Variants in OLFM3 observed in about 807,000 individuals in gnomAD.
OLFM3 encodes the protein olfactomedin 3.
In OLFM3, 20 loss-of-function variants were observed where a neutral mutation model predicts 48.6. The observed-to-expected ratio is 0.41, with a 90% CI of 0.29 to 0.60. The LOEUF (loss-of-function observed/expected upper bound fraction) is 0.60. Ranked by LOEUF, OLFM3 falls within the 20% of genes least tolerant of loss-of-function variation. The pLI is 0.28. For missense variants in OLFM3, 437 were observed against 544.3 expected (o/e 0.80, Z 1.96); for synonymous variants, 222 against 198.1 (o/e 1.12, Z -1.01).
chr1:101,805,535 T>C (rs1570495737), intron 5 of OLFM3, among the ~76,000 whole-genome samples: 1 of 151,824 alleles, frequency 6.6e-6, no homozygotes, highest in East Asian at 1.9e-4. Flanking sequence ...GTTTCTAGTA[T>C]ATTGATTTAT....
At chr1:101,831,264 T>G (rs1298120251) in intron 2 of OLFM3, among the ~76,000 whole-genome samples, 1 of 152,182 alleles carries the variant, frequency 6.6e-6, no homozygotes, top group Non-Finnish European at 1.5e-5. Context: ...AGGCCTAGAA[T>G]GCATTCATTC....
intron 3 of OLFM3, among the ~76,000 whole-genome samples, chr1:101,825,802 G>A (rs537493163): frequency 6.6e-6 from 1 of 152,040 alleles, no homozygotes; most frequent in African/African-American, 2.4e-5. Flanking sequence ...AACCAACTTT[G>A]TTTTTCCTTT....
chr1:101,806,916 C>T (rs1358737644), intron 4 of OLFM3, among the ~76,000 whole-genome samples: 1 of 151,618 alleles, frequency 6.6e-6, no homozygotes, highest in East Asian at 1.9e-4. Context: ...TCAGCCCAGC[C>T]CACCTGTGAA....
intron 1 of OLFM3, among the ~76,000 whole-genome samples, chr1:101,866,813 T>A (rs1656880065): frequency 6.6e-6 from 1 of 152,190 alleles, no homozygotes; most frequent in Admixed American, 6.5e-5. Flanking sequence ...GACTCGGTAA[T>A]GGAATGTAAC....
At chr1:101,806,023 A>G in intron 5 of OLFM3, 53 bp downstream of exon 5, 6 of 1,345,390 alleles carry the variant, frequency 4.5e-6, no homozygotes, top group African/African-American at 2.9e-5. Flanking sequence ...CAGAAGAGAA[A>G]AAGTGTAAGC....
At chr1:101,814,251 A>G (rs1570508649) in intron 4 of OLFM3, among the ~76,000 whole-genome samples, 2 of 147,622 alleles carry the variant, frequency 1.4e-5, no homozygotes, top group Non-Finnish European at 3.0e-5. Flanking sequence ...TTATTTATTC[A>G]TTCACCCAGC....
chr1:101,933,576 T>C (rs1659521936), intron 1 of OLFM3, among the ~76,000 whole-genome samples: 2 of 152,044 alleles, frequency 1.3e-5, no homozygotes, highest in African/African-American at 4.8e-5. Context: ...TCGACCTCAA[T>C]AGAGTAGCTA....
At chr1:101,985,823 T>G (rs1157002270) in intron 1 of OLFM3, among the ~76,000 whole-genome samples, 1 of 152,196 alleles carries the variant, frequency 6.6e-6, no homozygotes, top group Admixed American at 6.5e-5. Context: ...ACTATATGTA[T>G]ACAATGAATT....
intron 1 of OLFM3, among the ~76,000 whole-genome samples, chr1:101,975,240 A>G (rs1435282277): frequency 6.6e-6 from 1 of 152,184 alleles, no homozygotes; most frequent in Non-Finnish European, 1.5e-5. Flanking sequence ...ACTTAAAGTG[A>G]CACAGTAACA....
chr1:101,861,314 G>A (rs775563488), intron 1 of OLFM3, among the ~76,000 whole-genome samples: 4 of 150,496 alleles, frequency 2.7e-5, no homozygotes, highest in Non-Finnish European at 5.9e-5. Flanking sequence ...TGGCCGCCCC[G>A]GCCTCCCAAA....
chr1:101,892,937 A>C (rs1658059894), intron 1 of OLFM3, among the ~76,000 whole-genome samples: 1 of 152,094 alleles, frequency 6.6e-6, no homozygotes, highest in Admixed American at 6.6e-5. Flanking sequence ...ATTTTTGGTG[A>C]AGGGTAACAG....
chr1:101,892,577 C>T (rs1658044321), intron 1 of OLFM3, among the ~76,000 whole-genome samples: 1 of 152,018 alleles, frequency 6.6e-6, no homozygotes, highest in African/African-American at 2.4e-5. Context: ...CTCCTTCCTC[C>T]TCTCCCATTG....
chr1:101,855,908 A>C (rs1656391498), intron 1 of OLFM3, among the ~76,000 whole-genome samples: 1 of 152,002 alleles, frequency 6.6e-6, no homozygotes, highest in Non-Finnish European at 1.5e-5. Flanking sequence ...TCAAATGTGC[A>C]ATTTTCTGAA....
rs1660434360 is a variant in OLFM3, at chr1:101,960,468, A to G, written c.69+36280T>C. On this transcript the variant is annotated intron_variant, in intron 1 of 5. Coordinates refer to ENST00000370103, the MANE Select transcript of OLFM3 (RefSeq NM_058170.4). ...ACTATTCCAGCTCCACTTGCCTAGAAGAAATTATCTATAAAACCATACAAC... is the reference window on the plus strand; with the variant it reads ...ACTATTCCAGCTCCACTTGCCTAGAGGAAATTATCTATAAAACCATACAAC... Among the ~76,000 whole-genome samples, 4 of 152,182 alleles carry G rather than the reference A, an allele frequency of 2.6e-5. No individual in the cohort carries two copies. The South Asian group carries it at 8.3e-4, about 32-fold the overall frequency.
intron 1 of OLFM3, among the ~76,000 whole-genome samples, chr1:101,946,752 T>A (rs977898266): frequency 1.4e-4 from 22 of 152,048 alleles, no homozygotes; most frequent in African/African-American, 5.3e-4. Flanking sequence ...CTCTATAAAC[T>A]TTTTTTAGTA....
At chr1:101,873,250 G>T (rs773088265) in intron 1 of OLFM3, among the ~76,000 whole-genome samples, 1 of 151,742 alleles carries the variant, frequency 6.6e-6, no homozygotes, top group Non-Finnish European at 1.5e-5. Context: ...TTCTGCATAT[G>T]TATATTCATT....
At chr1:101,814,152 T>A (rs1654213875) in intron 4 of OLFM3, among the ~76,000 whole-genome samples, 1 of 152,164 alleles carries the variant, frequency 6.6e-6, no homozygotes, top group African/African-American at 2.4e-5. Context: ...GGAAAATAGA[T>A]TCTTACTCCA....
Position 101,910,397 on chromosome 1 carries a change from C to G in OLFM3, c.70-73372G>C, listed in dbSNP as rs1292223623. ...CAGAGAATGGCGTGAACCCGGGAGG[C>G]GGAGCTTGCAGTGAGCCGAGATCAC... On this transcript the variant is annotated intron_variant, in intron 1 of 5. Transcript: ENST00000370103. Among the ~76,000 whole-genome samples, 4 of 150,454 alleles carry G rather than the reference C, an allele frequency of 2.7e-5. No individual in the cohort carries two copies. In the East Asian group the frequency reaches 7.8e-4, roughly 29 times the overall value.
intron 1 of OLFM3, among the ~76,000 whole-genome samples, chr1:101,923,368 A>T (rs1303549631): frequency 2.0e-5 from 3 of 152,310 alleles, no homozygotes; most frequent in South Asian, 4.1e-4. Flanking sequence ...TGTATTTATA[A>T]TTTCAATCCA....
Sources: allele counts gnomAD v4.1 joint callset (sites outside exome capture counted in the v4.1 genomes callset), GRCh38; gene constraint gnomAD v4.1.1; transcripts MANE v1.5; gene names NCBI Gene and HGNC (gene_info 2026-07-23, HGNC 2026-07-21).